Variants in AOPEP observed in about 807,000 individuals in gnomAD.
AOPEP encodes aminopeptidase O (putative).
Under a neutral mutation model 98.1 loss-of-function variants are expected in AOPEP, and 77 were observed. That is an observed-to-expected ratio of 0.78 (90% confidence interval 0.65 to 0.95). AOPEP has a LOEUF of 0.95. AOPEP is among the 40% of genes least tolerant of loss of function. The probability of loss-of-function intolerance (pLI) is 0.00; values close to 1 mark genes in which losing one functional copy is unlikely to be tolerated. For missense variants in AOPEP, 1,024 were observed against 1,024.7 expected, an observed-to-expected ratio of 1.00 and a Z score of 0.01; for synonymous variants, 346 against 365.3, an observed-to-expected ratio of 0.95 and a Z score of 0.60.
rs1451155949 is a variant in AOPEP at position 94,729,017 on chromosome 9, GAA to G, written c.-136+2268_-136+2269del. ...CAGGGTTTGATGGGGAGACTAGAGA[GAA>G]ACATGAAGGGTTGCCTGTCCAGGAA... On this transcript the variant is annotated intron_variant, in intron 1 of 16. Coordinates refer to ENST00000375315, the MANE Select transcript of AOPEP (RefSeq NM_001193329.3). 8.5e-5 allele frequency among the ~76,000 whole-genome samples: 13 copies of G among 152,278 alleles called. No homozygotes were observed. In the East Asian group the frequency reaches 2.5e-3, roughly 29 times the overall value.
intron 13 of AOPEP, among the ~76,000 whole-genome samples, chr9:95,054,133 A>G (rs1352993139): frequency 1.3e-5 from 2 of 152,242 alleles, no homozygotes; most frequent in African/African-American, 2.4e-5. Context: ...ATATTCAGGC[A>G]TATATTGAAC....
intron 5 of AOPEP, among the ~76,000 whole-genome samples, chr9:94,840,163 A>G (rs573509828): frequency 1.3e-5 from 2 of 152,284 alleles, no homozygotes; most frequent in Non-Finnish European, 2.9e-5. Flanking sequence ...CAGGTTGAGG[A>G]CAGTCCCTTC....
chr9:94,802,029 G>A (rs1361623927), intron 5 of AOPEP, among the ~76,000 whole-genome samples: 1 of 152,154 alleles, frequency 6.6e-6, no homozygotes, highest in Non-Finnish European at 1.5e-5. Flanking sequence ...TCCTTGAGGA[G>A]GTCTGAGAAA....
chr9:94,895,015 A>G (rs1232466682), intron 5 of AOPEP, among the ~76,000 whole-genome samples: 3 of 151,982 alleles, frequency 2.0e-5, no homozygotes, highest in Admixed American at 6.6e-5. Flanking sequence ...GGACGAAGTG[A>G]TATTTCTTTA....
chr9:94,782,299 G>A (rs1843471958), intron 3 of AOPEP, among the ~76,000 whole-genome samples: 1 of 152,158 alleles, frequency 6.6e-6, no homozygotes, highest in Admixed American at 6.5e-5. Flanking sequence ...TCCAGATGAA[G>A]GAGAAAAAGC....
chr9:94,962,527 T>G (rs1301986526), intron 9 of AOPEP, among the ~76,000 whole-genome samples: 2 of 152,180 alleles, frequency 1.3e-5, no homozygotes, highest in African/African-American at 2.4e-5. Context: ...CATGAGGCTG[T>G]CCTTGTTTGA....
At chr9:95,141,985 GTTTT>G in the AOPEP span, among the ~76,000 whole-genome samples, 12 of 83,160 alleles carry the variant, frequency 1.4e-4, no homozygotes, top group Admixed American at 1.3e-3. Flanking sequence ...AGTTTGTGGG[GTTTT>G]TTTTTTTTTT....
intron 5 of AOPEP, among the ~76,000 whole-genome samples, chr9:94,882,322 G>A (rs780662204): frequency 2.0e-5 from 3 of 152,176 alleles, no homozygotes; most frequent in Non-Finnish European, 4.4e-5. Flanking sequence ...ATGTTTGCTT[G>A]CTTTTTGCAA....
At chr9:94,798,343 C>T (rs1847493353) in intron 4 of AOPEP, among the ~76,000 whole-genome samples, 1 of 152,162 alleles carries the variant, frequency 6.6e-6, no homozygotes. Context: ...TGAGCTAGTG[C>T]CTTTTATGCC....
intron 5 of AOPEP, among the ~76,000 whole-genome samples, chr9:94,846,095 T>TA (rs35421127): frequency 1.2e-3 from 172 of 144,672 alleles, no homozygotes; most frequent in African/African-American, 3.0e-3. Flanking sequence ...GACTCCATCT[T>TA]AAAAAAAAAA....
At chr9:94,855,621 A>G (rs2044101184) in intron 5 of AOPEP, among the ~76,000 whole-genome samples, 1 of 152,020 alleles carries the variant, frequency 6.6e-6, no homozygotes, top group South Asian at 2.1e-4. Context: ...TGGGAGGTGG[A>G]GGTTGTGTGT....
intron 6 of AOPEP, among the ~76,000 whole-genome samples, 187 bp from the exon 7 acceptor site, chr9:94,928,238 C>A (rs902251493): frequency 1.3e-5 from 2 of 152,174 alleles, no homozygotes; most frequent in African/African-American, 4.8e-5. Context: ...CACAAGCGAG[C>A]GTGCACGGTT....
At chr9:95,095,464 G>A in the AOPEP span, among the ~76,000 whole-genome samples, 1 of 152,224 alleles carries the variant, frequency 6.6e-6, no homozygotes, top group Non-Finnish European at 1.5e-5. Flanking sequence ...TTACTGATGT[G>A]TAGAAGAGCT....
intron 5 of AOPEP, among the ~76,000 whole-genome samples, chr9:94,807,644 A>G (rs1849524410): frequency 6.6e-6 from 1 of 151,928 alleles, no homozygotes; most frequent in Non-Finnish European, 1.5e-5. Flanking sequence ...GAACATACAC[A>G]CTCCCTGGGT....
chr9:95,001,020 C>G (rs2061529844), intron 11 of AOPEP, among the ~76,000 whole-genome samples: 1 of 152,140 alleles, frequency 6.6e-6, no homozygotes, highest in South Asian at 2.1e-4. Flanking sequence ...CATTGAAGAG[C>G]CCCTTGCTTG....
the AOPEP span, chr9:95,127,248 CTGGCCCAGTCCCTGGTTCCCTATCTTTT>C: frequency 6.5e-6 from 1 of 152,760 alleles, no homozygotes; most frequent in Non-Finnish European, 1.5e-5. Flanking sequence ...GGGAGCTTCA[CTGGCCCAGTCCCTGGTTCCCTATCTTTT>C]TGGCCAGAGC....
intron 5 of AOPEP, among the ~76,000 whole-genome samples, chr9:94,892,062 G>A (rs777496469): frequency 1.3e-5 from 2 of 152,130 alleles, no homozygotes; most frequent in Non-Finnish European, 2.9e-5. Context: ...TTTCAAATTA[G>A]TATTTACTTA....
chr9:94,952,173 G>A (rs553674717), intron 7 of AOPEP, among the ~76,000 whole-genome samples: 52 of 152,338 alleles, frequency 3.4e-4, no homozygotes, highest in Non-Finnish European at 4.9e-4. Context: ...CATCCTAGTC[G>A]TGTGCCAGTG....
At chr9:94,780,268 G>A (rs761940227) in intron 3 of AOPEP, among the ~76,000 whole-genome samples, 2 of 152,088 alleles carry the variant, frequency 1.3e-5, no homozygotes, top group Non-Finnish European at 2.9e-5. Context: ...CTGTTGTTGT[G>A]TATCTATTTG....
Sources: gnomAD v4.1 joint callset for allele counts (sites outside exome capture counted in the v4.1 genomes callset) on GRCh38, gnomAD v4.1.1 for gene constraint, MANE v1.5 for transcripts, NCBI Gene and HGNC (gene_info 2026-07-23, HGNC 2026-07-21) for gene names.